The following IGF1R variants were observed in gnomAD, a reference collection of about 807,000 sequenced individuals.
The protein encoded by IGF1R is insulin-like growth factor 1 receptor.
In IGF1R, 44 loss-of-function variants were observed where a neutral mutation model predicts 144.6. The ratio of observed to expected loss-of-function variants is 0.30; its 90% confidence interval spans 0.24 to 0.39. The LOEUF (loss-of-function observed/expected upper bound fraction) is 0.39. Among genes scored for constraint, IGF1R ranks in the 10% least tolerant of loss-of-function variants. The pLI, the probability that IGF1R is intolerant of heterozygous loss-of-function variation, is 1.00. For missense variants in IGF1R, 1,355 were observed against 1,833.7 expected (o/e 0.74, Z 4.77); for synonymous variants, 795 against 722.8 (o/e 1.10, Z -1.60).
At chr15:98,813,055 A>C (rs2056625263) in intron 2 of IGF1R, among the ~76,000 whole-genome samples, 1 of 152,134 alleles carries the variant, frequency 6.6e-6, no homozygotes, top group Non-Finnish European at 1.5e-5. Context: ...GGCTGGGGCG[A>C]GGCTTACTTC....
At position 98,962,761 on chromosome 15, in the gene IGF1R, C is replaced by G. The variant is rs929303274; in HGVS notation, c.*5319C>G. The G allele has an allele frequency of 8.6e-6, 2 of 233,358 alleles. No individual in the cohort carries two copies. The highest frequency in any genetic ancestry group is 2.2e-5 in the African/African-American group (1 of 45,328). The allele number at this position is 233,358 out of a possible 1,614,324, so 14.5% of individuals were successfully genotyped here. A position where few individuals can be genotyped will look rare whatever the true frequency, so the allele number is the denominator to read the frequency against. ...TGTTCTTGAAGCTATCAGACCACAT[C>G]GAGGCTCAGCAGTCATCCGTGGGCA... On this transcript the variant is annotated 3_prime_UTR_variant, in exon 21 of 21. Transcript: ENST00000650285.
rs1270150013 is a variant in IGF1R at position 98,939,211 on chromosome 15, T to C, written c.3308T>C (p.Val1103Ala). 1.9e-6 allele frequency: 3 copies of C among 1,613,884 alleles called. No individual in the cohort carries two copies. Among genetic ancestry groups the C allele is most frequent in the Non-Finnish European group, 2.5e-6 (3 of 1,179,816 alleles). Residue 1103 changes from valine (V) to alanine (A), a missense_variant, in exon 18 of 21, where the codon GTC becomes GCC. Physicochemically the swap from Val to Ala is moderately conservative, Grantham distance 64. Around this residue, in one of 7 missense-constraint regions of IGF1R, gnomAD observed 45 missense variants for 43.5 expected, o/e 1.03. Coordinates refer to ENST00000650285, the MANE Select transcript of IGF1R (RefSeq NM_000875.5). ...SLRPEMENNP[V>A]LAPPSLSKMI... ...TTAAATCTCCAACAGAATAATCCAG[T>C]CCTAGCACCTCCAAGCCTGAGCAAG...
Position 98,662,729 on chromosome 15 carries a change from G to A in IGF1R, c.94+13054G>A, listed in dbSNP as rs186075411. ...GTCACGGAACTGCAGAATGGCTTGA[G>A]AAGCTTTAAGGAGGATGTCTGACTT... On this transcript the variant is annotated intron_variant, in intron 1 of 20. Coordinates refer to ENST00000650285, the MANE Select transcript of IGF1R (RefSeq NM_000875.5). Among the ~76,000 whole-genome samples the A allele has an allele frequency of 2.2e-3, 328 of 152,278 alleles. 5 individuals are homozygous for A. Among genetic ancestry groups the A allele is most frequent in the Middle Eastern group, 3.4e-3 (1 of 294 alleles).
intron 6 of IGF1R, 86 bp from the exon 7 acceptor site, chr15:98,911,229 G>A (rs893983045): frequency 1.3e-5 from 20 of 1,520,130 alleles, no homozygotes; most frequent in Non-Finnish European, 1.7e-5. Flanking sequence ...CCAGCTTTGG[G>A]GAAGGGGGAA....
intron 2 of IGF1R, among the ~76,000 whole-genome samples, chr15:98,833,794 C>G (rs1352747033): frequency 1.6e-4 from 24 of 152,074 alleles, no homozygotes; most frequent in Admixed American, 1.6e-3. Flanking sequence ...TTATTGTTTG[C>G]TTTTTTTATT....
intron 5 of IGF1R, 152 bp from the exon 6 acceptor site, chr15:98,908,533 G>T: frequency 2.9e-6 from 2 of 683,710 alleles, no homozygotes; most frequent in Non-Finnish European, 5.3e-6. Flanking sequence ...GCAACTGTCT[G>T]TTCTCCTATA....
At chr15:98,725,552 G>T (rs184260373) in intron 2 of IGF1R, among the ~76,000 whole-genome samples, 2 of 152,112 alleles carry the variant, frequency 1.3e-5, no homozygotes, top group African/African-American at 4.8e-5. Flanking sequence ...CATGCATGCC[G>T]GTCTTTGGGA....
In IGF1R at chr15:98,939,235, A is replaced by G; in HGVS notation, c.3332A>G (p.Lys1111Arg). 6.2e-7 allele frequency: 1 copy of G among 1,614,126 alleles called. No individual in the cohort carries two copies. The highest frequency in any genetic ancestry group is 1.1e-5 in the South Asian group (1 of 91,070). ...NPVLAPPSLS[K>R]MIQMAGEIAD... ...GTCCTAGCACCTCCAAGCCTGAGCA[A>G]GATGATTCAGATGGCCGGAGAGATT... The change falls in exon 18 of 21, where the codon AAG (lysine) becomes AGG (arginine). Residue 1111 changes from lysine to arginine, a missense_variant. By Grantham distance (26) the Lys-to-Arg change is conservative. Coordinates refer to ENST00000650285, the MANE Select transcript of IGF1R (RefSeq NM_000875.5).
At position 98,830,265 on chromosome 15, in the gene IGF1R, T is replaced by G. The variant is rs142995495; in HGVS notation, c.641-61060T>G. 2.8e-3 allele frequency among the ~76,000 whole-genome samples: 430 copies of G among 152,348 alleles called. 5 individuals are homozygous for G. The highest frequency in any genetic ancestry group is 9.5e-3 in the Admixed American group (145 of 15,302). ...CAGAGAACTCATCTCCTTTATGGCT[T>G]TATCCATCACAGCCACACAGATAGG... On this transcript the variant is annotated intron_variant, in intron 2 of 20. Coordinates refer to ENST00000650285, the MANE Select transcript of IGF1R (RefSeq NM_000875.5).
chr15:98,729,825 T>A (rs949086223), intron 2 of IGF1R, among the ~76,000 whole-genome samples: 1 of 152,214 alleles, frequency 6.6e-6, no homozygotes, highest in Non-Finnish European at 1.5e-5. Flanking sequence ...TGTCTTTCCT[T>A]AGTAAATGGC....
chr15:98,888,015 T>G (rs1411036070), intron 2 of IGF1R, among the ~76,000 whole-genome samples: 5 of 152,226 alleles, frequency 3.3e-5, no homozygotes, highest in African/African-American at 1.2e-4. Context: ...ACCCAAGCCC[T>G]TGCACCCACA....
chr15:98,889,799 T>A (rs1385927669), intron 2 of IGF1R, among the ~76,000 whole-genome samples: 2 of 152,258 alleles, frequency 1.3e-5, no homozygotes, highest in Non-Finnish European at 2.9e-5. Context: ...CATGTATTTT[T>A]ATTACAAGAA....
intron 1 of IGF1R, chr15:98,660,511 G>A (rs902520399): frequency 3.3e-5 from 5 of 152,156 alleles, no homozygotes; most frequent in African/African-American, 1.2e-4. Context: ...CTGAAGAAAC[G>A]GAAGACTTCT....
intron 2 of IGF1R, among the ~76,000 whole-genome samples, chr15:98,740,389 G>C (rs995657245): frequency 6.6e-6 from 1 of 152,184 alleles, no homozygotes; most frequent in Non-Finnish European, 1.5e-5. Flanking sequence ...GCATTTAACA[G>C]GTCAAGGATC....
intron 12 of IGF1R, 69 bp downstream of exon 12, chr15:98,924,081 C>T (rs1292880761): frequency 8.0e-6 from 11 of 1,377,612 alleles, no homozygotes; most frequent in Non-Finnish European, 1.1e-5. Flanking sequence ...TACCTGACTG[C>T]ACAGGTTACC....
intron 1 of IGF1R, among the ~76,000 whole-genome samples, chr15:98,676,248 C>G (rs2053041302): frequency 6.6e-6 from 1 of 152,164 alleles, no homozygotes; most frequent in Non-Finnish European, 1.5e-5. Context: ...TCAAGCAATT[C>G]TGCCTCAACC....
intron 2 of IGF1R, among the ~76,000 whole-genome samples, chr15:98,808,829 A>G (rs2056523634): frequency 6.6e-6 from 1 of 152,030 alleles, no homozygotes; most frequent in South Asian, 2.1e-4. Context: ...ACAGGTGTGC[A>G]CCACCATGTC....
intron 2 of IGF1R, among the ~76,000 whole-genome samples, chr15:98,813,222 A>G (rs188683280): frequency 3.9e-5 from 6 of 152,252 alleles, no homozygotes; most frequent in Admixed American, 3.9e-4. Flanking sequence ...CTAGGTAGTG[A>G]ATGAGTACAA....
At chr15:98,676,696 T>C (rs1197880440) in intron 1 of IGF1R, among the ~76,000 whole-genome samples, 2 of 152,226 alleles carry the variant, frequency 1.3e-5, no homozygotes, top group African/African-American at 4.8e-5. Flanking sequence ...TGATTGTTAA[T>C]AAATCAGTTT....
Sources: allele counts gnomAD v4.1 joint callset (sites outside exome capture counted in the v4.1 genomes callset), GRCh38; gene constraint gnomAD v4.1.1; regional missense constraint gnomAD v4.1.1; transcripts MANE v1.5; gene names NCBI Gene and HGNC (gene_info 2026-07-23, HGNC 2026-07-21).